IL1RAPL1: variants seen among roughly 807,000 people sequenced by gnomAD.
The protein encoded by IL1RAPL1 is interleukin 1 receptor accessory protein like 1.
IL1RAPL1 carries 3 observed loss-of-function variants against 48.4 expected under a neutral mutation model. That is an observed-to-expected ratio of 0.06 (90% confidence interval 0.03 to 0.16). The LOEUF (loss-of-function observed/expected upper bound fraction) is 0.16. Ranked by LOEUF, IL1RAPL1 falls within the 10% of genes least tolerant of loss-of-function variation. The probability of loss-of-function intolerance (pLI) is 1.00; values close to 1 mark genes in which losing one functional copy is unlikely to be tolerated. For synonymous variants in IL1RAPL1, 185 were observed against 187.7 expected, an observed-to-expected ratio of 0.99 and a Z score of 0.12; for missense variants, 349 against 530.6, an observed-to-expected ratio of 0.66 and a Z score of 3.36.
intron 6 of IL1RAPL1, among the ~76,000 whole-genome samples, chrX:29,791,152 T>G (rs144382592): frequency 0.029 from 3,250 of 110,454 alleles, 98 homozygotes; most frequent in African/African-American, 0.1. Flanking sequence ...ATCTCTCTAT[T>G]CTATTTATTT....
intron 5 of IL1RAPL1, among the ~76,000 whole-genome samples, chrX:29,659,487 T>A (rs1161475665): frequency 2.7e-5 from 3 of 112,370 alleles, no homozygotes; most frequent in African/African-American, 9.7e-5. Context: ...AGTACTACTT[T>A]ACGTTTCCAC....
intron 6 of IL1RAPL1, among the ~76,000 whole-genome samples, chrX:29,686,584 G>A (rs767347032): frequency 9.8e-6 from 1 of 102,163 alleles, no homozygotes; most frequent in South Asian, 4.4e-4. Context: ...TAGAGACTGA[G>A]TCTCGCTCTG....
In IL1RAPL1 at chrX:29,350,261, C is replaced by CG. The variant is rs1555997117; in HGVS notation, c.363-45997_363-45996insG. ...TTGTGTGTTTGGATACACCCCCCCC[C>CG]CCACCTGGCTCATAGACACACTGCC... On this transcript the variant is annotated intron_variant, in intron 3 of 10. Transcript: ENST00000378993. 6.0e-3 allele frequency among the ~76,000 whole-genome samples: 506 copies of CG among 84,192 alleles called. 15 individuals carry two copies. The highest frequency in any genetic ancestry group is 0.025 in the African/African-American group (456 of 18,556). The allele number at this position is 84,192 out of a possible 115,157, so 73.1% of individuals were successfully genotyped here.
intron 2 of IL1RAPL1, among the ~76,000 whole-genome samples, chrX:28,872,611 A>G (rs1838940457): frequency 8.9e-6 from 1 of 112,268 alleles, no homozygotes; most frequent in Non-Finnish European, 1.9e-5. Context: ...TTATTTTAAC[A>G]GAGTACTCAG....
intron 5 of IL1RAPL1, among the ~76,000 whole-genome samples, chrX:29,533,061 C>T (rs1423491830): frequency 8.9e-6 from 1 of 112,218 alleles, no homozygotes. Flanking sequence ...TGTCAGAACT[C>T]ATCTTTTAAT....
rs757287803 is a variant in IL1RAPL1 at position 29,752,080 on chromosome X, GTA to G, written c.778+83599_778+83600del. ...TATATATGTATATATATGTGTGTAT[GTA>G]TATATATATATATATATATATACAC... is the stretch of plus-strand genomic sequence containing the variant. On this transcript the variant is annotated intron_variant, in intron 6 of 10. Coordinates refer to ENST00000378993, the MANE Select transcript of IL1RAPL1 (RefSeq NM_014271.4). 4.2e-3 allele frequency among the ~76,000 whole-genome samples: 358 copies of G among 85,226 alleles called. 3 individuals are homozygous for G. The highest frequency in any genetic ancestry group is 0.022 in the East Asian group (64 of 2,876). 74.0% of individuals were successfully genotyped at this position (85,226 alleles called of 115,157 possible).
At chrX:29,486,051 G>A (rs1177367703) in intron 5 of IL1RAPL1, among the ~76,000 whole-genome samples, 1 of 111,421 alleles carries the variant, frequency 9.0e-6, no homozygotes. Context: ...AAGAATCTTT[G>A]TTTTAACAAG....
intron 6 of IL1RAPL1, among the ~76,000 whole-genome samples, chrX:29,822,156 C>T (rs1052909717): frequency 1.8e-5 from 2 of 111,120 alleles, no homozygotes; most frequent in African/African-American, 6.5e-5. Context: ...AAATTTCAAT[C>T]AGTTTGTTTG....
chrX:29,024,753 CT>C (rs1219950690), intron 2 of IL1RAPL1, among the ~76,000 whole-genome samples: 2 of 111,629 alleles, frequency 1.8e-5, no homozygotes, highest in East Asian at 5.6e-4. Flanking sequence ...CCATCCAAAG[CT>C]TTCTGGCTCA....
chrX:28,612,077 A>G (rs1934154346), intron 1 of IL1RAPL1, among the ~76,000 whole-genome samples: 1 of 111,973 alleles, frequency 8.9e-6, no homozygotes, highest in Admixed American at 9.5e-5. Context: ...AGAACCTAAA[A>G]GCTATGCCTT....
intron 2 of IL1RAPL1, among the ~76,000 whole-genome samples, chrX:28,973,707 C>T (rs751715705): frequency 1.8e-5 from 2 of 111,933 alleles, no homozygotes; most frequent in African/African-American, 3.2e-5. Context: ...TAATGATTCT[C>T]TGTAATTTTT....
At chrX:28,727,351 A>T (rs1935689168) in intron 1 of IL1RAPL1, among the ~76,000 whole-genome samples, 2 of 106,452 alleles carry the variant, frequency 1.9e-5, no homozygotes, top group African/African-American at 3.4e-5. Context: ...TTGTTGGTGT[A>T]TAAGAATGCT....
chrX:28,741,904 A>G (rs1424384327), intron 1 of IL1RAPL1, among the ~76,000 whole-genome samples: 1 of 112,095 alleles, frequency 8.9e-6, no homozygotes, highest in Non-Finnish European at 1.9e-5. Context: ...GTTCTTTGTG[A>G]CATTCATAGT....
At chrX:29,171,032 TG>T (rs1929897126) in intron 2 of IL1RAPL1, among the ~76,000 whole-genome samples, 1 of 111,484 alleles carries the variant, frequency 9.0e-6, no homozygotes, top group Admixed American at 9.6e-5. Flanking sequence ...AGTCTCACTC[TG>T]TCGCCCAAGC....
At chrX:28,674,034 G>T (rs778646504) in intron 1 of IL1RAPL1, among the ~76,000 whole-genome samples, 1 of 111,834 alleles carries the variant, frequency 8.9e-6, no homozygotes, top group East Asian at 2.8e-4. Context: ...AAGGTGCATT[G>T]TATTAGATTA....
intron 3 of IL1RAPL1, among the ~76,000 whole-genome samples, chrX:29,331,139 C>T (rs1399731357): frequency 2.7e-5 from 3 of 111,261 alleles, no homozygotes; most frequent in African/African-American, 3.3e-5. Flanking sequence ...TGCACTCCAG[C>T]CTGGGTGTGA....
rs573526168 is a variant in IL1RAPL1, at chrX:28,679,818, T to C, written c.-25+91771T>C. Among the ~76,000 whole-genome samples the C allele has an allele frequency of 4.2e-4, 47 of 111,998 alleles. No homozygotes were observed. The South Asian group carries it at 0.017, about 40-fold the overall frequency. ...ATTTTGTTCTATTGGTTTCTATGCC[T>C]GTTTTTATGCCATCGCCATACTGTT... is the stretch of plus-strand genomic sequence containing the variant. On this transcript the variant is annotated intron_variant, in intron 1 of 10. Coordinates refer to ENST00000378993, the MANE Select transcript of IL1RAPL1 (RefSeq NM_014271.4).
chrX:29,332,095 C>CT (rs72360733), intron 3 of IL1RAPL1, among the ~76,000 whole-genome samples: 7,388 of 27,744 alleles, frequency 0.27, 2,160 homozygotes, highest in East Asian at 0.45. Context: ...ATTCTAAGGT[C>CT]TTTTTTTTTT....
intron 2 of IL1RAPL1, among the ~76,000 whole-genome samples, chrX:28,899,320 G>A (rs1443850001): frequency 9.0e-6 from 1 of 111,166 alleles, no homozygotes; most frequent in Non-Finnish European, 1.9e-5. Context: ...ATATCACCAG[G>A]CTAATTTTTG....
Sources: gnomAD v4.1 joint callset for allele counts (sites outside exome capture counted in the v4.1 genomes callset) on GRCh38, gnomAD v4.1.1 for gene constraint, MANE v1.5 for transcripts, NCBI Gene and HGNC (gene_info 2026-07-23, HGNC 2026-07-21) for gene names.